FRMD4B: variants seen among roughly 807,000 people sequenced by gnomAD.
FRMD4B encodes the protein FERM domain containing 4B, also known as FERM domain-containing protein 4B.
Under a neutral mutation model 141.5 loss-of-function variants are expected in FRMD4B, and 74 were observed. The observed-to-expected ratio is 0.52, with a 90% confidence interval of 0.43 to 0.63. The LOEUF is 0.63. FRMD4B is among the 30% of genes least tolerant of loss of function. The pLI, the probability that FRMD4B is intolerant of heterozygous loss-of-function variation, is 0.00. For missense variants in FRMD4B, 1,366 were observed against 1,253.4 expected (o/e 1.09, Z -1.36); for synonymous variants, 506 against 467.9 (o/e 1.08, Z -1.05).
intron 12 of FRMD4B, 48 bp from the exon 13 acceptor site, chr3:69,197,086 T>C (rs1559706950): frequency 1.3e-6 from 2 of 1,499,734 alleles, no homozygotes; most frequent in Admixed American, 1.7e-5. Flanking sequence ...TGGCCCAGCA[T>C]GATGCAAAAT....
chr3:69,366,277 AC>A (rs1559832066), intron 1 of FRMD4B, among the ~76,000 whole-genome samples: 50 of 112,746 alleles, frequency 4.4e-4, no homozygotes, highest in African/African-American at 1.2e-3. Flanking sequence ...AAAAACAAAA[AC>A]AAAAACAAAA....
intron 1 of FRMD4B, among the ~76,000 whole-genome samples, chr3:69,330,105 T>G (rs1702316272): frequency 6.6e-6 from 1 of 151,986 alleles, no homozygotes; most frequent in East Asian, 1.9e-4. Context: ...TTTCATTTCC[T>G]GGTGTTTTCC....
chr3:69,325,333 C>T (rs939390631), intron 1 of FRMD4B, among the ~76,000 whole-genome samples: 1 of 152,214 alleles, frequency 6.6e-6, no homozygotes, highest in Non-Finnish European at 1.5e-5. Context: ...ACCTGGCAGG[C>T]AATTCCAGCC....
intron 1 of FRMD4B, among the ~76,000 whole-genome samples, chr3:69,363,678 T>C (rs6778232): frequency 0.37 from 55,657 of 151,956 alleles, 12,086 homozygotes; most frequent in African/African-American, 0.61. Flanking sequence ...CGTGAGCCAC[T>C]GCACCTGGCC....
intron 12 of FRMD4B, 36 bp from the exon 13 acceptor site, chr3:69,197,074 T>A: frequency 1.3e-6 from 2 of 1,587,870 alleles, no homozygotes; most frequent in Non-Finnish European, 1.7e-6. Context: ...ATAATTCCCC[T>A]CTGGCCCAGC....
intron 1 of FRMD4B, among the ~76,000 whole-genome samples, chr3:69,481,427 AT>A (rs1375280846): frequency 3.3e-5 from 5 of 152,172 alleles, no homozygotes; most frequent in Admixed American, 3.3e-4. Context: ...TATAATGATC[AT>A]TTGTTACCTA....
chr3:69,354,467 A>G (rs1160332663), intron 1 of FRMD4B, among the ~76,000 whole-genome samples: 3 of 152,208 alleles, frequency 2.0e-5, no homozygotes, highest in Non-Finnish European at 2.9e-5. Flanking sequence ...TATAACCATA[A>G]GATTAAATCT....
intron 7 of FRMD4B, among the ~76,000 whole-genome samples, chr3:69,244,144 G>A (rs1020634070): frequency 4.6e-5 from 7 of 152,210 alleles, no homozygotes; most frequent in East Asian, 1.9e-4. Context: ...GGGAAGGAAT[G>A]AGGGCTGAGA....
intron 5 of FRMD4B, among the ~76,000 whole-genome samples, chr3:69,278,023 T>C (rs781618240): frequency 6.6e-6 from 1 of 151,634 alleles, no homozygotes; most frequent in African/African-American, 2.4e-5. Flanking sequence ...GCCTGGCTAA[T>C]TTTTGTATTT....
chr3:69,370,448 G>A (rs916012929), intron 1 of FRMD4B, among the ~76,000 whole-genome samples: 15 of 152,188 alleles, frequency 9.9e-5, no homozygotes, highest in African/African-American at 3.6e-4. Context: ...TGGTGTCCTT[G>A]AGGGAGCCCA....
In FRMD4B at chr3:69,501,162, T is replaced by TTGAATACAG. The variant is rs536826890; in HGVS notation, c.-129+41035_-129+41043dup. Among the ~76,000 whole-genome samples, 101 of 152,236 alleles carry TTGAATACAG rather than the reference T, an allele frequency of 6.6e-4. 2 individuals are homozygous for TTGAATACAG. The South Asian group carries it at 9.5e-3, about 14-fold the overall frequency. On this transcript the variant is annotated intron_variant, in intron 1 of 5. Transcript: ENST00000459638. ...GTCCAACCAGTGGCCCAGGATGGCT[T>TTGAATACAG]TGAATACAGCCCAACACAAATTTGT...
intron 5 of FRMD4B, among the ~76,000 whole-genome samples, chr3:69,282,810 G>A (rs917792602): frequency 6.6e-6 from 1 of 151,848 alleles, no homozygotes; most frequent in African/African-American, 2.4e-5. Flanking sequence ...GCTAATTGTT[G>A]TATTTTTGTA....
chr3:69,428,606 G>C lies in FRMD4B; in HGVS notation c.-1+4028C>G, dbSNP rs191564883. Among the ~76,000 whole-genome samples, 92 of 151,846 alleles carry C rather than the reference G, an allele frequency of 6.1e-4. 2 individuals are homozygous for C. The highest frequency in any genetic ancestry group is 9.9e-4 in the Non-Finnish European group (67 of 67,922). On this transcript the variant is annotated intron_variant, in intron 2 of 5. Coordinates refer to the FRMD4B transcript ENST00000459638. Reference sequence around the variant, plus strand: ...ATTGTCACTAAAATGTATTATGGTGGTATTTTAAACTATTAACACTTTTTC... The same window carrying C: ...ATTGTCACTAAAATGTATTATGGTGCTATTTTAAACTATTAACACTTTTTC...
intron 1 of FRMD4B, among the ~76,000 whole-genome samples, chr3:69,539,081 G>A: frequency 6.6e-6 from 1 of 152,078 alleles, no homozygotes; most frequent in East Asian, 1.9e-4. Context: ...TTTAAAGGGA[G>A]AGATAGAGCG....
chr3:69,530,850 C>A (rs2107154706), intron 1 of FRMD4B, among the ~76,000 whole-genome samples: 1 of 152,300 alleles, frequency 6.6e-6, no homozygotes, highest in East Asian at 1.9e-4. Flanking sequence ...AGCAAAAATG[C>A]CTTCAGAACT....
At position 69,195,103 on chromosome 3, in the gene FRMD4B, G is replaced by A. The variant is rs755458191; in HGVS notation, c.1407C>T (p.Asn469=). ...TGKMPKEYPL[N]IGEKPPQVRR... is the part of the protein sequence containing the mutation. ...TGACCTGAGGAGGCTTCTCGCCTATGTTCAGGGGATACTCCTTTGGCATTT... is the reference window on the plus strand; with the variant it reads ...TGACCTGAGGAGGCTTCTCGCCTATATTCAGGGGATACTCCTTTGGCATTT... The change falls in exon 16 of 23, where the codon AAC becomes AAT. Residue 469 remains asparagine (N), a synonymous_variant. Coordinates refer to ENST00000398540, the MANE Select transcript of FRMD4B (RefSeq NM_015123.3). 1 of 1,613,736 alleles carries A rather than the reference G, an allele frequency of 6.2e-7. No homozygotes were observed. Among genetic ancestry groups the A allele is most frequent in the Non-Finnish European group, 8.5e-7 (1 of 1,179,734 alleles).
At chr3:69,354,809 A>G (rs1410054497) in intron 1 of FRMD4B, among the ~76,000 whole-genome samples, 1 of 152,174 alleles carries the variant, frequency 6.6e-6, no homozygotes, top group African/African-American at 2.4e-5. Flanking sequence ...TGTCTGGGGA[A>G]GACATGGCAG....
At chr3:69,208,921 G>C (rs1302866256) in intron 11 of FRMD4B, among the ~76,000 whole-genome samples, 1 of 152,002 alleles carries the variant, frequency 6.6e-6, no homozygotes, top group Non-Finnish European at 1.5e-5. Flanking sequence ...TGAGGCAGGC[G>C]GATCAGGAGG....
Position 69,181,524 on chromosome 3 carries a change from A to C in FRMD4B, c.2226T>G (p.Cys742Trp). The change falls in exon 21 of 23, where the codon TGT becomes TGG. Residue 742 changes from cysteine to tryptophan, a missense_variant. Cys to Trp is a radical substitution (Grantham distance 215, BLOSUM62 -2). Coordinates refer to ENST00000398540, the MANE Select transcript of FRMD4B (RefSeq NM_015123.3). Reference protein sequence around the residue: ...YTSQSSTEYYCVTPVTGPYYT... With the variant: ...YTSQSSTEYYWVTPVTGPYYT... ...AATAGGGGCCGGTAACTGGTGTCACACAGTAATACTCTGTGCTTGATTGGC... is the reference window on the plus strand; with the variant it reads ...AATAGGGGCCGGTAACTGGTGTCACCCAGTAATACTCTGTGCTTGATTGGC... 1 of 1,613,834 alleles carries C rather than the reference A, an allele frequency of 6.2e-7. No homozygotes were observed. The highest frequency in any genetic ancestry group is 8.5e-7 in the Non-Finnish European group (1 of 1,179,760).
Sources: allele counts gnomAD v4.1 joint callset (sites outside exome capture counted in the v4.1 genomes callset), GRCh38; gene constraint gnomAD v4.1.1; transcripts MANE v1.5; gene names NCBI Gene and HGNC (gene_info 2026-07-23, HGNC 2026-07-21).